The following NCOA7 variants were observed in gnomAD, a reference collection of about 807,000 sequenced individuals.
NCOA7 encodes the protein nuclear receptor coactivator 7, also known as 140 kDa estrogen receptor-associated protein.
NCOA7 carries 45 observed loss-of-function variants against 104.3 expected under a neutral mutation model. The ratio of observed to expected loss-of-function variants is 0.43; its 90% CI spans 0.34 to 0.55. The LOEUF is 0.55. NCOA7 is among the 20% of genes least tolerant of loss of function. The pLI, the probability that NCOA7 is intolerant of heterozygous loss-of-function variation, is 0.02. For synonymous variants in NCOA7, 398 were observed against 402.3 expected, an observed-to-expected ratio of 0.99 and a Z score of 0.13; for missense variants, 1,041 against 1,119.7, an observed-to-expected ratio of 0.93 and a Z score of 1.00.
intron 2 of NCOA7, among the ~76,000 whole-genome samples, chr6:125,825,756 A>G (rs1434831205): frequency 6.6e-6 from 1 of 151,514 alleles, no homozygotes; most frequent in African/African-American, 2.4e-5. Flanking sequence ...TTTAAGGGGG[A>G]TGGGCGGGGA....
Position 125,920,677 on chromosome 6 carries a change from G to A in NCOA7, c.2245-266G>A, listed in dbSNP as rs553523687. ...TCCTGCCTTGGCCTCCCAAAGTGCT[G>A]GGCATACAGGCATGAGCCACCACGT... On this transcript the variant is annotated intron_variant, in intron 11 of 15. Coordinates refer to ENST00000392477, the MANE Select transcript of NCOA7 (RefSeq NM_181782.5). Among the ~76,000 whole-genome samples the A allele has an allele frequency of 8.5e-5, 13 of 152,296 alleles. No individual in the cohort carries two copies. In the South Asian group the frequency reaches 2.5e-3, roughly 29 times the overall value.
At chr6:125,860,843 G>C (rs1414167859) in intron 3 of NCOA7, among the ~76,000 whole-genome samples, 2 of 152,108 alleles carry the variant, frequency 1.3e-5, no homozygotes, top group African/African-American at 2.4e-5. Flanking sequence ...ATAAATAAGG[G>C]GGGACAAGAC....
intron 14 of NCOA7, 73 bp from the exon 15 acceptor site, chr6:125,928,101 C>T: frequency 2.9e-6 from 4 of 1,356,916 alleles, no homozygotes; most frequent in Non-Finnish European, 3.1e-6. Flanking sequence ...CATATAGATA[C>T]TATTTCATAT....
chr6:125,789,095 C>T (rs558163923), upstream of NCOA7, among the ~76,000 whole-genome samples: 1 of 152,172 alleles, frequency 6.6e-6, no homozygotes, highest in Non-Finnish European at 1.5e-5. Flanking sequence ...GCCAAATTCT[C>T]CTAAGTGACT....
chr6:125,862,470 A>G (rs1782140467), intron 3 of NCOA7, among the ~76,000 whole-genome samples: 1 of 138,416 alleles, frequency 7.2e-6, no homozygotes, highest in Non-Finnish European at 1.5e-5. Flanking sequence ...ACATTCTCAG[A>G]CATAGAAGAA....
At chr6:125,803,129 A>C (rs916374967) in intron 1 of NCOA7, among the ~76,000 whole-genome samples, 2 of 152,212 alleles carry the variant, frequency 1.3e-5, no homozygotes, top group African/African-American at 4.8e-5. Context: ...TCTGGTTTAC[A>C]GATTTCATTG....
chr6:125,929,018 A>T lies in NCOA7; in HGVS notation c.*247A>T, dbSNP rs990374177. On this transcript the variant is annotated 3_prime_UTR_variant, in exon 16 of 16. Transcript: ENST00000392477. The stretch of plus-strand genomic sequence containing the variant: ...GACTTTGTACTCCCACTTCCTCCAA[A>T]TCCATACAGTGAGGAATCAGAGTGT... 1.1e-5 allele frequency: 4 copies of T among 377,616 alleles called. No individual in the cohort carries two copies. Among genetic ancestry groups the T allele is most frequent in the African/African-American group, 2.1e-5 (1 of 47,866 alleles). 23.4% of individuals were successfully genotyped at this position (377,616 alleles called of 1,614,324 possible).
chr6:125,905,483 A>G (rs1200862765), intron 10 of NCOA7, among the ~76,000 whole-genome samples: 1 of 152,126 alleles, frequency 6.6e-6, no homozygotes, highest in African/African-American at 2.4e-5. Flanking sequence ...GCTGGTCTAG[A>G]ACTCCTGACC....
intron 4 of NCOA7, among the ~76,000 whole-genome samples, chr6:125,875,899 C>T (rs1488842962): frequency 6.6e-6 from 1 of 152,084 alleles, no homozygotes; most frequent in Non-Finnish European, 1.5e-5. Flanking sequence ...ACTACAACTC[C>T]ACACTGTGTG....
At chr6:125,881,793 G>A (rs1783862229) in intron 6 of NCOA7, among the ~76,000 whole-genome samples, 1 of 150,220 alleles carries the variant, frequency 6.7e-6, no homozygotes, top group Admixed American at 6.6e-5. Flanking sequence ...AACAAATTGA[G>A]TCATGAGTCT....
At chr6:125,851,942 G>T in intron 2 of NCOA7, among the ~76,000 whole-genome samples, 1 of 151,066 alleles carries the variant, frequency 6.6e-6, no homozygotes, top group African/African-American at 2.4e-5. Context: ...CATTTTAATG[G>T]GATTATTTGC....
rs1388790802 is a variant in NCOA7, at chr6:125,922,708, G to A, written c.2397G>A (p.Val799=). Residue 799 remains valine (V), a synonymous_variant, in exon 13 of 16, where the codon GTG becomes GTA. Coordinates refer to ENST00000392477, the MANE Select transcript of NCOA7 (RefSeq NM_181782.5). ...EQLARRLPAR[V]QGYPWRLAYS... The stretch of plus-strand genomic sequence containing the variant: ...TGGCCCGACGCCTTCCTGCAAGGGT[G>A]CAAGGGTATCCATGGAGACTGGCCT... 1.2e-6 allele frequency: 2 copies of A among 1,613,712 alleles called. No homozygotes were observed. Among genetic ancestry groups the A allele is most frequent in the Non-Finnish European group, 8.5e-7 (1 of 1,179,968 alleles).
Position 125,917,564 on chromosome 6 carries a change from A to G in NCOA7, c.2244+2084A>G, listed in dbSNP as rs1033452342. Among the ~76,000 whole-genome samples the G allele has an allele frequency of 2.0e-5, 3 of 152,190 alleles. No homozygotes were observed. The East Asian group carries it at 5.8e-4, about 29-fold the overall frequency. ...CTGTAGATTTTGGCATCTGTATCCT[A>G]TAAACCAAAAACAATGCCTGAGACA... On this transcript the variant is annotated intron_variant, in intron 11 of 15. Coordinates refer to ENST00000392477, the MANE Select transcript of NCOA7 (RefSeq NM_181782.5).
chr6:125,797,878 C>A (rs768755782), intron 1 of NCOA7: 3 of 152,166 alleles, frequency 2.0e-5, no homozygotes, highest in Non-Finnish European at 2.9e-5. Flanking sequence ...AATCACAGAA[C>A]CTTCCAAAAT....
upstream of NCOA7, among the ~76,000 whole-genome samples, chr6:125,790,285 T>G (rs1723350047): frequency 1.3e-5 from 2 of 152,232 alleles, no homozygotes; most frequent in African/African-American, 2.4e-5. Context: ...AAGCTCTAAC[T>G]CCTGCTCTGC....
Position 125,889,173 on chromosome 6 carries a change from ACTGGACTCCTCTAGGGAGACATCC to A in NCOA7, c.1121_1144del (p.Leu374_Ser381del), listed in dbSNP as rs1488764587. On this transcript the variant is annotated inframe_deletion, in exon 9 of 16. Coordinates refer to ENST00000392477, the MANE Select transcript of NCOA7 (RefSeq NM_181782.5). ...GCTCTGTGTCAGAGAAATTAAAGAA[ACTGGACTCCTCTAGGGAGACATCC>A]CATGGTTCTCCCACAGTGACTAAGC... 1.2e-6 allele frequency: 2 copies of A among 1,614,012 alleles called. No homozygotes were observed. Among genetic ancestry groups the A allele is most frequent in the African/African-American group, 2.7e-5 (2 of 74,948 alleles).
chr6:125,831,519 A>G (rs1260448581), intron 2 of NCOA7, among the ~76,000 whole-genome samples: 3 of 149,848 alleles, frequency 2.0e-5, no homozygotes, highest in Non-Finnish European at 3.0e-5. Context: ...TTTCTTTCTC[A>G]GTGATTCTTT....
chr6:125,811,672 G>A (rs1145988), intron 1 of NCOA7, among the ~76,000 whole-genome samples: 2 of 152,190 alleles, frequency 1.3e-5, no homozygotes, highest in South Asian at 2.1e-4. Context: ...GCTCATGAGA[G>A]TTAGACACTC....
chr6:125,806,080 C>T (rs1418068009), intron 1 of NCOA7, among the ~76,000 whole-genome samples: 1 of 152,188 alleles, frequency 6.6e-6, no homozygotes, highest in African/African-American at 2.4e-5. Context: ...ATGGCTCACA[C>T]CTGTAATCCC....
Sources: gnomAD v4.1 joint callset for allele counts (sites outside exome capture counted in the v4.1 genomes callset) on GRCh38, gnomAD v4.1.1 for gene constraint, MANE v1.5 for transcripts, NCBI Gene and HGNC (gene_info 2026-07-23, HGNC 2026-07-21) for gene names.